The following OIP5 variants were observed in gnomAD, a reference collection of about 807,000 sequenced individuals.
The protein encoded by OIP5 is Opa interacting protein 5.
Under a neutral mutation model 20.3 loss-of-function variants are expected in OIP5, and 24 were observed. That is an observed-to-expected ratio of 1.18 (90% confidence interval 0.86 to 1.66). OIP5 has a LOEUF of 1.66. Ranked by LOEUF, OIP5 falls within the 40% of genes most tolerant of loss-of-function variation. The probability of loss-of-function intolerance (pLI) is 0.00; values close to 1 mark genes in which losing one functional copy is unlikely to be tolerated. For missense variants in OIP5, 339 were observed against 289.5 expected, an observed-to-expected ratio of 1.17 and a Z score of -1.24; for synonymous variants, 143 against 121.3, an observed-to-expected ratio of 1.18 and a Z score of -1.17.
chr15:41,316,577 CA>C (rs2047789712), intron 3 of OIP5, among the ~76,000 whole-genome samples: 1 of 151,842 alleles, frequency 6.6e-6, no homozygotes, highest in Non-Finnish European at 1.5e-5. Flanking sequence ...ATCACGAGGT[CA>C]AGGAGATCGA....
At chr15:41,332,052 G>T in intron 1 of OIP5, 71 bp from the exon 2 acceptor site, 1 of 1,473,402 alleles carries the variant, frequency 6.8e-7, no homozygotes, top group South Asian at 1.1e-5. Context: ...CCTCTAGACA[G>T]ACTCATCCTG....
intron 2 of OIP5, among the ~76,000 whole-genome samples, chr15:41,323,149 A>G (rs1471878642): frequency 1.3e-5 from 2 of 152,186 alleles, no homozygotes; most frequent in Non-Finnish European, 2.9e-5. Flanking sequence ...GGAATTAATT[A>G]ATTCAGACAA....
intron 2 of OIP5, among the ~76,000 whole-genome samples, chr15:41,327,975 C>T (rs1463648226): frequency 2.6e-5 from 4 of 151,912 alleles, no homozygotes; most frequent in African/African-American, 9.7e-5. Context: ...TGGTGCATGC[C>T]TTATAGTCCT....
chr15:41,314,258 C>T (rs553586998), intron 3 of OIP5, among the ~76,000 whole-genome samples: 78 of 152,192 alleles, frequency 5.1e-4, no homozygotes, highest in African/African-American at 1.7e-3. Flanking sequence ...TGCGCCACCA[C>T]GCCCAGCTAA....
At chr15:41,326,959 G>C (rs2047865744) in intron 2 of OIP5, among the ~76,000 whole-genome samples, 1 of 151,744 alleles carries the variant, frequency 6.6e-6, no homozygotes, top group Non-Finnish European at 1.5e-5. Flanking sequence ...AGGTCAACTA[G>C]ATTATGTTAT....
intron 3 of OIP5, among the ~76,000 whole-genome samples, chr15:41,314,799 T>C (rs1196782419): frequency 1.3e-5 from 2 of 151,756 alleles, no homozygotes; most frequent in East Asian, 3.9e-4. Flanking sequence ...GCCCAGCTAA[T>C]TTTTGTATTT....
At chr15:41,328,348 C>A (rs1221396683) in intron 2 of OIP5, among the ~76,000 whole-genome samples, 3 of 152,098 alleles carry the variant, frequency 2.0e-5, no homozygotes, top group African/African-American at 7.2e-5. Flanking sequence ...ACAAGATTGG[C>A]CAAGAGTTGA....
intron 2 of OIP5, among the ~76,000 whole-genome samples, chr15:41,326,960 ATTATG>A (rs1237072648): frequency 6.6e-6 from 1 of 152,004 alleles, no homozygotes; most frequent in Non-Finnish European, 1.5e-5. Context: ...GGTCAACTAG[ATTATG>A]TTATTTTTTT....
At chr15:41,314,439 C>T (rs372596075) in intron 3 of OIP5, among the ~76,000 whole-genome samples, 4 of 152,026 alleles carry the variant, frequency 2.6e-5, no homozygotes, top group Admixed American at 6.5e-5. Context: ...AGATTTTTGC[C>T]ATGAGCCTAC....
At chr15:41,326,956 C>T (rs1406334294) in intron 2 of OIP5, among the ~76,000 whole-genome samples, 1 of 151,684 alleles carries the variant, frequency 6.6e-6, no homozygotes, top group African/African-American at 2.4e-5. Context: ...ATGAGGTCAA[C>T]TAGATTATGT....
intron 2 of OIP5, among the ~76,000 whole-genome samples, chr15:41,330,664 A>G (rs1383688498): frequency 6.6e-6 from 1 of 151,786 alleles, no homozygotes; most frequent in Non-Finnish European, 1.5e-5. Flanking sequence ...CGGCCTCCCA[A>G]AGTGCTGTGA....
At chr15:41,317,346 C>G (rs984035476) in intron 3 of OIP5, among the ~76,000 whole-genome samples, 1 of 151,090 alleles carries the variant, frequency 6.6e-6, no homozygotes, top group Non-Finnish European at 1.5e-5. Flanking sequence ...AGGTAGAAAA[C>G]TGGTTGGCTT....
rs1254493104 is a variant in OIP5, at chr15:41,332,300, C to T, written c.262G>A (p.Ala88Thr). ...TCCCAGGCGAGGTGCACCGAGTCGG[C>T]GAGCACTGCGTGACACTGTGCGCAC... is the stretch of plus-strand genomic sequence containing the variant. ...FQCAQCHAVL[A>T]DSVHLAWDLS... is the part of the protein sequence containing the mutation. The change falls in exon 1 of 5, where the codon GCC becomes ACC. Residue 88 changes from alanine (A) to threonine (T), a missense_variant. Physicochemically the swap from Ala to Thr is moderately conservative, Grantham distance 58. Coordinates refer to ENST00000220514, the MANE Select transcript of OIP5 (RefSeq NM_007280.2). The T allele has an allele frequency of 1.9e-6, 3 of 1,587,606 alleles. No homozygotes were observed. Among genetic ancestry groups the T allele is most frequent in the Admixed American group, 1.8e-5 (1 of 55,444 alleles).
chr15:41,325,011 A>G (rs1291014801), intron 2 of OIP5, among the ~76,000 whole-genome samples: 2 of 152,218 alleles, frequency 1.3e-5, no homozygotes, highest in Non-Finnish European at 1.5e-5. Flanking sequence ...TAAGTTTGCT[A>G]TCTTCAATGG....
intron 2 of OIP5, among the ~76,000 whole-genome samples, chr15:41,326,168 A>C (rs1444620696): frequency 2.0e-5 from 3 of 151,962 alleles, no homozygotes; most frequent in Non-Finnish European, 4.4e-5. Context: ...TCTCAAAAAA[A>C]CAAACAAACA....
At position 41,332,534 on chromosome 15, in the gene OIP5, A is replaced by T. The variant is rs780447313; in HGVS notation, c.28T>A (p.Ser10Thr). ...CCCCGGGGCGGCGTTGCACAACGTG[A>T]GCGATGCCGCAGCGGCTGAGCCGCC... is the stretch of plus-strand genomic sequence containing the variant. Reference protein sequence around the residue: MAAQPLRHRSRCATPPRGDF... With the variant: MAAQPLRHRTRCATPPRGDF... The change falls in exon 1 of 5, where the codon TCA (serine) becomes ACA (threonine). Residue 10 changes from serine (S) to threonine (T), a missense_variant. Coordinates refer to ENST00000220514, the MANE Select transcript of OIP5 (RefSeq NM_007280.2). 4 of 1,610,962 alleles carry T rather than the reference A, an allele frequency of 2.5e-6. No individual in the cohort carries two copies. Among genetic ancestry groups the T allele is most frequent in the Non-Finnish European group, 3.4e-6 (4 of 1,178,652 alleles).
intron 2 of OIP5, among the ~76,000 whole-genome samples, chr15:41,320,872 A>C (rs2047819207): frequency 6.7e-6 from 1 of 148,972 alleles, no homozygotes; most frequent in Non-Finnish European, 1.5e-5. Flanking sequence ...CCATCTAGGA[A>C]GTGAGGAGCG....
chr15:41,310,043 A>C (rs2047744984), intron 4 of OIP5, among the ~76,000 whole-genome samples, 194 bp from the exon 5 acceptor site: 1 of 152,072 alleles, frequency 6.6e-6, no homozygotes, highest in Non-Finnish European at 1.5e-5. Flanking sequence ...CATGTGTTTT[A>C]AATTTTCTTT....
chr15:41,331,890 G>T, intron 2 of OIP5, 25 bp downstream of exon 2: 1 of 1,597,472 alleles, frequency 6.3e-7, no homozygotes, highest in Non-Finnish European at 8.6e-7. Flanking sequence ...AGGGACTAGA[G>T]ACCAATGTAA....
Sources: gnomAD v4.1 joint callset for allele counts (sites outside exome capture counted in the v4.1 genomes callset) on GRCh38, gnomAD v4.1.1 for gene constraint, MANE v1.5 for transcripts, NCBI Gene and HGNC (gene_info 2026-07-23, HGNC 2026-07-21) for gene names.